Variants in DIAPH3 observed in about 807,000 individuals in gnomAD.
The protein encoded by DIAPH3 is diaphanous related formin 3.
DIAPH3 carries 117 observed loss-of-function variants against 144.3 expected under a neutral mutation model. The ratio of observed to expected loss-of-function variants is 0.81; its 90% CI spans 0.70 to 0.95. DIAPH3 has a LOEUF of 0.95. Among genes scored for constraint, DIAPH3 ranks in the 40% least tolerant of loss-of-function variants. The pLI, the probability that DIAPH3 is intolerant of heterozygous loss-of-function variation, is 0.00. For synonymous variants in DIAPH3, 519 were observed against 488.9 expected, an observed-to-expected ratio of 1.06 and a Z score of -0.81; for missense variants, 1,421 against 1,412.7, an observed-to-expected ratio of 1.01 and a Z score of -0.09.
intron 3 of DIAPH3, among the ~76,000 whole-genome samples, chr13:60,097,778 G>GA (rs1048518068): frequency 4.8e-4 from 49 of 102,692 alleles, no homozygotes; most frequent in South Asian, 8.6e-4. Context: ...CTTTAAAAAA[G>GA]AAAAAAAAAA....
chr13:59,865,355 T>A (rs1484092146), intron 21 of DIAPH3, among the ~76,000 whole-genome samples: 1 of 152,050 alleles, frequency 6.6e-6, no homozygotes, highest in Non-Finnish European at 1.5e-5. Flanking sequence ...GAATACAGTG[T>A]TAATTTTGTT....
chr13:60,042,568 T>C (rs2055758742), intron 5 of DIAPH3, 122 bp downstream of exon 5: 2 of 1,147,026 alleles, frequency 1.7e-6, no homozygotes, highest in Non-Finnish European at 2.5e-6. Flanking sequence ...ATATAAATAT[T>C]AGGTATTCAG....
chr13:59,790,601 G>A (rs1033828457), intron 25 of DIAPH3, among the ~76,000 whole-genome samples: 11 of 152,108 alleles, frequency 7.2e-5, no homozygotes, highest in African/African-American at 4.8e-5. Context: ...CATCCCATTA[G>A]TATTAAACAC....
chr13:59,729,067 A>T lies in DIAPH3; in HGVS notation c.3319+45122T>A, dbSNP rs1349526950. 2.0e-5 allele frequency among the ~76,000 whole-genome samples: 3 copies of T among 152,190 alleles called. 1 individual carries two copies. The highest frequency in any genetic ancestry group is 4.1e-4 in the South Asian group (2 of 4,826). On this transcript the variant is annotated intron_variant, in intron 27 of 27. Coordinates refer to ENST00000400324, the MANE Select transcript of DIAPH3 (RefSeq NM_001042517.2). ...CACAAGAATGTTTCTGGTGAAGTACACTGGAACTGCCTGTGACCAAGACAT... is the reference window on the plus strand; with the variant it reads ...CACAAGAATGTTTCTGGTGAAGTACTCTGGAACTGCCTGTGACCAAGACAT...
At chr13:60,029,573 T>C (rs1040427247) in intron 5 of DIAPH3, among the ~76,000 whole-genome samples, 1 of 152,196 alleles carries the variant, frequency 6.6e-6, no homozygotes, top group Non-Finnish European at 1.5e-5. Flanking sequence ...ATAAGGGGAA[T>C]TTGGCATTTG....
intron 1 of DIAPH3, among the ~76,000 whole-genome samples, chr13:60,137,019 T>C (rs2138271970): frequency 6.6e-6 from 1 of 152,260 alleles, no homozygotes; most frequent in African/African-American, 2.4e-5. Context: ...TATTAAAGAA[T>C]ATGAGGGCTC....
intron 24 of DIAPH3, among the ~76,000 whole-genome samples, chr13:59,826,144 C>T (rs1245482403): frequency 6.6e-6 from 1 of 152,032 alleles, no homozygotes; most frequent in Non-Finnish European, 1.5e-5. Context: ...CCTCTCTCAC[C>T]GCTCCTATTC....
chr13:60,005,440 T>A (rs953179432), intron 9 of DIAPH3, among the ~76,000 whole-genome samples: 1 of 152,184 alleles, frequency 6.6e-6, no homozygotes, highest in African/African-American at 2.4e-5. Context: ...GTGGTAAAGA[T>A]TCCACAAAGC....
chr13:60,027,624 T>C (rs1475975502), intron 5 of DIAPH3, among the ~76,000 whole-genome samples: 2 of 152,058 alleles, frequency 1.3e-5, no homozygotes, highest in South Asian at 2.1e-4. Context: ...AAAACAAGTA[T>C]GGATTTTAAA....
chr13:59,946,639 T>C (rs966817926), intron 17 of DIAPH3, among the ~76,000 whole-genome samples: 1 of 152,234 alleles, frequency 6.6e-6, no homozygotes, highest in East Asian at 1.9e-4. Context: ...GAAACAAACA[T>C]GTTGCTGATG....
chr13:60,029,644 C>T (rs72628003), intron 5 of DIAPH3, among the ~76,000 whole-genome samples: 9,632 of 152,254 alleles, frequency 0.063, 459 homozygotes, highest in East Asian at 0.28. Context: ...TCTCCTTTGC[C>T]TTCTGCCATG....
chr13:59,924,360 A>G (rs1038390189), intron 18 of DIAPH3, among the ~76,000 whole-genome samples: 2 of 152,148 alleles, frequency 1.3e-5, no homozygotes, highest in African/African-American at 4.8e-5. Context: ...TTCCGTTAAT[A>G]TTATAACCTC....
At chr13:59,788,628 C>G (rs989305533) in intron 25 of DIAPH3, among the ~76,000 whole-genome samples, 1 of 152,086 alleles carries the variant, frequency 6.6e-6, no homozygotes, top group Non-Finnish European at 1.5e-5. Context: ...TGTCCATCTA[C>G]AAGAGATTGA....
intron 1 of DIAPH3, among the ~76,000 whole-genome samples, chr13:60,162,275 C>T (rs1256135146): frequency 1.3e-5 from 2 of 152,202 alleles, no homozygotes; most frequent in East Asian, 3.8e-4. Flanking sequence ...TTCATGACCT[C>T]CTTGCTGGGA....
In DIAPH3 at chr13:59,971,418, T is replaced by A. The variant is rs191677142; in HGVS notation, c.1651-258A>T. The stretch of plus-strand genomic sequence containing the variant: ...TTTGAGGTAGTTATGACCATCTAGG[T>A]AGAAATGTCCAGGAGGGAAATGGGT... On this transcript the variant is annotated intron_variant, in intron 15 of 27. Transcript: ENST00000400324. 2.5e-4 allele frequency among the ~76,000 whole-genome samples: 38 copies of A among 152,156 alleles called. 1 individual carries two copies. Among genetic ancestry groups the A allele is most frequent in the Middle Eastern group, 3.4e-3 (1 of 294 alleles).
At chr13:60,064,872 A>C (rs113510676) in intron 4 of DIAPH3, among the ~76,000 whole-genome samples, 1 of 152,070 alleles carries the variant, frequency 6.6e-6, no homozygotes, top group Non-Finnish European at 1.5e-5. Flanking sequence ...TCTTCCTTTC[A>C]CTGAACACTT....
intron 1 of DIAPH3, among the ~76,000 whole-genome samples, chr13:60,138,636 A>C (rs2059349649): frequency 6.6e-6 from 1 of 152,214 alleles, no homozygotes; most frequent in Admixed American, 6.5e-5. Flanking sequence ...GGTACAAATC[A>C]TTCAGTCTCA....
intron 27 of DIAPH3, among the ~76,000 whole-genome samples, chr13:59,720,262 T>C (rs1401316948): frequency 6.6e-6 from 1 of 152,132 alleles, no homozygotes; most frequent in Admixed American, 6.5e-5. Context: ...CCACTGTATA[T>C]TGGGTCTGTC....
intron 1 of DIAPH3, among the ~76,000 whole-genome samples, chr13:60,141,026 G>A (rs141842944): frequency 2.6e-5 from 4 of 152,120 alleles, no homozygotes; most frequent in East Asian, 1.9e-4. Flanking sequence ...AAAAATATAC[G>A]AATCACTACA....
Sources: gnomAD v4.1 joint callset for allele counts (sites outside exome capture counted in the v4.1 genomes callset) on GRCh38, gnomAD v4.1.1 for gene constraint, MANE v1.5 for transcripts, NCBI Gene and HGNC (gene_info 2026-07-23, HGNC 2026-07-21) for gene names.